Variants in DNAAF6 observed in about 807,000 individuals in gnomAD.
DNAAF6 encodes PIH1 domain containing 3.
In DNAAF6, 3 loss-of-function variants were observed where a neutral mutation model predicts 13.7. That is an observed-to-expected ratio of 0.22 (90% confidence interval 0.10 to 0.56). The LOEUF is 0.56. Ranked by LOEUF, DNAAF6 falls within the 20% of genes least tolerant of loss-of-function variation. The pLI is 0.92. For missense variants in DNAAF6, 130 were observed against 151.0 expected (o/e 0.86, Z 0.73); for synonymous variants, 54 against 49.2 (o/e 1.10, Z -0.41).
At chrX:107,237,750 G>A (rs1284905319) in intron 5 of DNAAF6, among the ~76,000 whole-genome samples, 1 of 112,338 alleles carries the variant, frequency 8.9e-6, no homozygotes, top group East Asian at 2.8e-4. Context: ...TTGGGAGGCT[G>A]AGGCGGGCAG....
intron 1 of DNAAF6, among the ~76,000 whole-genome samples, chrX:107,210,137 G>A (rs770532103): frequency 1.8e-5 from 2 of 111,391 alleles, no homozygotes; most frequent in East Asian, 5.7e-4. Context: ...CAAGTACTCA[G>A]GTTAATGTGG....
chrX:107,239,069 A>G, intron 6 of DNAAF6, 62 bp downstream of exon 6: 1 of 1,107,469 alleles, frequency 9.0e-7, no homozygotes, highest in Non-Finnish European at 1.2e-6. Context: ...AGTCAATATT[A>G]TTTTTTAAAA....
chrX:107,208,827 G>A (rs772584454), intron 1 of DNAAF6, among the ~76,000 whole-genome samples: 160 of 111,694 alleles, frequency 1.4e-3, no homozygotes, highest in African/African-American at 4.9e-3. Context: ...ATGCACCACC[G>A]CGCCCAGCCA....
intron 1 of DNAAF6, among the ~76,000 whole-genome samples, chrX:107,211,650 T>A (rs1927858975): frequency 8.9e-6 from 1 of 112,423 alleles, no homozygotes; most frequent in Admixed American, 9.5e-5. Flanking sequence ...CTAATCTATT[T>A]ACTCTAATGT....
chrX:107,208,026 A>C (rs1055808455), intron 1 of DNAAF6, among the ~76,000 whole-genome samples: 9 of 111,469 alleles, frequency 8.1e-5, no homozygotes, highest in Non-Finnish European at 1.3e-4. Flanking sequence ...CGAAGAGAAA[A>C]AAATATTAAG....
At chrX:107,228,708 T>A (rs1177484002) in intron 5 of DNAAF6, among the ~76,000 whole-genome samples, 1 of 111,301 alleles carries the variant, frequency 9.0e-6, no homozygotes, top group African/African-American at 3.3e-5. Flanking sequence ...CTCAACCTCC[T>A]GGGCTCAAGC....
At chrX:107,209,625 G>A (rs1927806436) in intron 1 of DNAAF6, among the ~76,000 whole-genome samples, 1 of 111,337 alleles carries the variant, frequency 9.0e-6, no homozygotes, top group South Asian at 3.8e-4. Context: ...GTAGAGTCGG[G>A]GTATCGCCAT....
intron 6 of DNAAF6, among the ~76,000 whole-genome samples, chrX:107,240,649 C>T (rs1343824196): frequency 9.0e-6 from 1 of 111,377 alleles, no homozygotes; most frequent in African/African-American, 3.3e-5. Flanking sequence ...CAGGTATTTA[C>T]CAAAATAAAT....
chrX:107,218,740 A>C, intron 3 of DNAAF6, 124 bp from the exon 4 acceptor site: 2 of 642,604 alleles, frequency 3.1e-6, no homozygotes, highest in South Asian at 6.6e-5. Context: ...GATCAAAAAA[A>C]AAAGCTAGCG....
intron 6 of DNAAF6, among the ~76,000 whole-genome samples, chrX:107,242,957 G>A (rs1398378466): frequency 9.0e-6 from 1 of 110,904 alleles, no homozygotes; most frequent in Non-Finnish European, 1.9e-5. Context: ...AAATAGGGGC[G>A]CCAAAACAAC....
rs761405067 is a variant in DNAAF6, at chrX:107,212,968, T to C, written c.93T>C (p.Ala31=). Residue 31 remains alanine, a synonymous_variant, in exon 2 of 7, where the codon GCT becomes GCC. Coordinates refer to ENST00000372453, the MANE Select transcript of DNAAF6 (RefSeq NM_173494.2). ...VDFESVSSVT[A]LEALSKLLNP... ...TTGAGAGTGTTTCTTCAGTTACAGC[T>C]CTGGAAGCCCTCTCTAAGCTACTTA... is the stretch of plus-strand genomic sequence containing the variant. 8.3e-7 allele frequency: 1 copy of C among 1,206,331 alleles called. No individual in the cohort carries two copies. The highest frequency in any genetic ancestry group is 1.8e-5 in the African/African-American group (1 of 57,080).
At position 107,243,986 on chromosome X, in the gene DNAAF6, CTGT is replaced by C. The variant is rs1352728651; in HGVS notation, c.*693_*695del. 8.9e-6 allele frequency: 1 copy of C among 112,627 alleles called. No individual in the cohort carries two copies. Among genetic ancestry groups the C allele is most frequent in the Admixed American group, 9.4e-5 (1 of 10,584 alleles). The allele number at this position is 112,627 out of a possible 1,213,427, so 9.3% of individuals were successfully genotyped here. A position where few individuals can be genotyped will look rare whatever the true frequency, so the allele number is the denominator to read the frequency against. ...ACAGTGTTCTCTGTTTAGGCTCTCA[CTGT>C]TGTTCTGGAATATACAGGTAATAAA... On this transcript the variant is annotated 3_prime_UTR_variant, in exon 7 of 7. Transcript: ENST00000372453.
At chrX:107,236,646 A>G (rs1237286836) in intron 5 of DNAAF6, among the ~76,000 whole-genome samples, 2 of 112,046 alleles carry the variant, frequency 1.8e-5, no homozygotes, top group African/African-American at 6.5e-5. Context: ...TTGTTTCTGA[A>G]TTGCCCTTCA....
chrX:107,208,784 GC>G (rs1297698534), intron 1 of DNAAF6, among the ~76,000 whole-genome samples: 1 of 111,207 alleles, frequency 9.0e-6, no homozygotes, highest in East Asian at 2.9e-4. Flanking sequence ...TGATCCGCCG[GC>G]CTCGGCCTCC....
intron 4 of DNAAF6, among the ~76,000 whole-genome samples, chrX:107,220,035 G>A (rs759259867): frequency 5.4e-5 from 6 of 111,236 alleles, no homozygotes; most frequent in African/African-American, 1.6e-4. Context: ...CTGACCTCAG[G>A]CAATCCGCCC....
At chrX:107,207,294 C>T (rs896160021) in intron 1 of DNAAF6, 1 of 111,441 alleles carries the variant, frequency 9.0e-6, no homozygotes, top group African/African-American at 3.3e-5. Flanking sequence ...CTGAGGGTTC[C>T]AGTGTTGCTT....
At chrX:107,228,019 T>C (rs1928294489) in intron 5 of DNAAF6, among the ~76,000 whole-genome samples, 1 of 111,662 alleles carries the variant, frequency 9.0e-6, no homozygotes, top group South Asian at 3.8e-4. Flanking sequence ...AATATCTGAA[T>C]CACATGGTCT....
At chrX:107,240,292 G>A (rs1397800502) in intron 6 of DNAAF6, among the ~76,000 whole-genome samples, 1 of 111,822 alleles carries the variant, frequency 8.9e-6, no homozygotes, top group Non-Finnish European at 1.9e-5. Flanking sequence ...GTGCAGAGAG[G>A]TACCATCTCA....
intron 6 of DNAAF6, 103 bp downstream of exon 6, chrX:107,239,110 C>T: frequency 9.8e-7 from 1 of 1,023,687 alleles, no homozygotes; most frequent in Non-Finnish European, 1.3e-6. Flanking sequence ...CCCCTAAAGT[C>T]TGAAGAAAAG....
Sources: allele counts gnomAD v4.1 joint callset (sites outside exome capture counted in the v4.1 genomes callset), GRCh38; gene constraint gnomAD v4.1.1; transcripts MANE v1.5; gene names NCBI Gene and HGNC (gene_info 2026-07-23, HGNC 2026-07-21).